PTPRD: variants seen among roughly 807,000 people sequenced by gnomAD.
The protein encoded by PTPRD is receptor-type tyrosine-protein phosphatase delta.
PTPRD carries 34 observed loss-of-function variants against 214.5 expected under a neutral mutation model. The observed-to-expected ratio is 0.16, with a 90% CI of 0.12 to 0.21. The LOEUF (loss-of-function observed/expected upper bound fraction) is 0.21, where lower values mean the gene tolerates loss of function less well. PTPRD is among the 10% of genes least tolerant of loss of function. PTPRD has a pLI of 1.00. For synonymous variants in PTPRD, 1,128 were observed against 845.7 expected (o/e 1.33, Z -5.79); for missense variants, 2,545 against 2,398.7 (o/e 1.06, Z -1.27).
intron 11 of PTPRD, among the ~76,000 whole-genome samples, chr9:8,909,253 A>T (rs957627205): frequency 3.3e-5 from 5 of 152,146 alleles, no homozygotes; most frequent in African/African-American, 1.2e-4. Flanking sequence ...TCCCAAACTC[A>T]TTCTATGATG....
At chr9:10,544,099 G>C (rs976518510) in intron 2 of PTPRD, among the ~76,000 whole-genome samples, 2 of 151,926 alleles carry the variant, frequency 1.3e-5, no homozygotes, top group Admixed American at 1.3e-4. Flanking sequence ...AGTTTATAAG[G>C]AACAATAATT....
chr9:9,793,271 A>T (rs2098979854), intron 5 of PTPRD, among the ~76,000 whole-genome samples: 1 of 152,116 alleles, frequency 6.6e-6, no homozygotes, highest in African/African-American at 2.4e-5. Flanking sequence ...AATAAAATGG[A>T]TGTATCTATA....
At chr9:9,067,833 G>A (rs1288758522) in intron 10 of PTPRD, among the ~76,000 whole-genome samples, 2 of 151,990 alleles carry the variant, frequency 1.3e-5, no homozygotes, top group South Asian at 2.1e-4. Flanking sequence ...TTGTACTTGT[G>A]TCTGTGTTTA....
intron 3 of PTPRD, among the ~76,000 whole-genome samples, chr9:10,214,735 A>G (rs2099533567): frequency 6.6e-6 from 1 of 152,112 alleles, no homozygotes; most frequent in African/African-American, 2.4e-5. Context: ...GAGATGCCAG[A>G]ATGCAAAATT....
intron 11 of PTPRD, among the ~76,000 whole-genome samples, chr9:8,992,184 AG>A (rs1436959718): frequency 1.3e-5 from 2 of 152,172 alleles, no homozygotes; most frequent in Non-Finnish European, 2.9e-5. Flanking sequence ...GAATGGCTAT[AG>A]AAGGAAAGAA....
At chr9:10,280,899 G>C (rs1012463438) in intron 3 of PTPRD, among the ~76,000 whole-genome samples, 1 of 152,056 alleles carries the variant, frequency 6.6e-6, no homozygotes, top group African/African-American at 2.4e-5. Context: ...ACAAGTGTGA[G>C]CCACATGCAC....
At chr9:9,923,369 G>C (rs901333611) in intron 5 of PTPRD, among the ~76,000 whole-genome samples, 1 of 151,150 alleles carries the variant, frequency 6.6e-6, no homozygotes, top group African/African-American at 2.4e-5. Context: ...GACAGGAAGA[G>C]GAGAGCAATG....
At chr9:10,352,817 T>A (rs1234311939) in intron 2 of PTPRD, among the ~76,000 whole-genome samples, 1 of 152,016 alleles carries the variant, frequency 6.6e-6, no homozygotes, top group Admixed American at 6.6e-5. Context: ...GGCTAAAATC[T>A]TTTTTATGCA....
chr9:8,978,253 C>G (rs1273314552), intron 11 of PTPRD, among the ~76,000 whole-genome samples: 2 of 152,212 alleles, frequency 1.3e-5, no homozygotes, highest in Non-Finnish European at 1.5e-5. Context: ...AAGGCCTCAG[C>G]TGATGCATGG....
chr9:10,200,717 G>A (rs2099416447), intron 3 of PTPRD, among the ~76,000 whole-genome samples: 2 of 151,996 alleles, frequency 1.3e-5, no homozygotes, highest in Non-Finnish European at 2.9e-5. Context: ...GCAGAGGAAG[G>A]GGATGAAAAA....
chr9:8,511,683 T>A (rs1376410217), intron 21 of PTPRD, among the ~76,000 whole-genome samples: 1 of 152,028 alleles, frequency 6.6e-6, no homozygotes, highest in Non-Finnish European at 1.5e-5. Flanking sequence ...CAATAGGACA[T>A]GGAAAGCAAA....
At chr9:9,088,758 G>A (rs1026964865) in intron 10 of PTPRD, among the ~76,000 whole-genome samples, 3 of 152,000 alleles carry the variant, frequency 2.0e-5, no homozygotes, top group Admixed American at 2.0e-4. Context: ...TAGTATTTGT[G>A]GAGGCTCTGA....
chr9:8,765,923 A>C (rs1422819223), intron 11 of PTPRD, among the ~76,000 whole-genome samples: 1 of 152,138 alleles, frequency 6.6e-6, no homozygotes, highest in Non-Finnish European at 1.5e-5. Flanking sequence ...ATTTTAACCA[A>C]AATGATTTCT....
intron 12 of PTPRD, among the ~76,000 whole-genome samples, chr9:8,697,493 G>A (rs777751864): frequency 7.1e-6 from 1 of 140,780 alleles, no homozygotes; most frequent in Admixed American, 7.8e-5. Flanking sequence ...TGTGATCTTG[G>A]CTCACTGCAA....
At chr9:9,584,220 G>A (rs2091459689) in intron 7 of PTPRD, among the ~76,000 whole-genome samples, 1 of 151,752 alleles carries the variant, frequency 6.6e-6, no homozygotes, top group Admixed American at 6.6e-5. Flanking sequence ...TATATGAAGT[G>A]CCCTGCAACC....
chr9:8,752,759 C>A (rs1298450161), intron 11 of PTPRD, among the ~76,000 whole-genome samples: 1 of 152,074 alleles, frequency 6.6e-6, no homozygotes, highest in East Asian at 1.9e-4. Context: ...CAGCTGGTTG[C>A]AGACTCAAGA....
intron 11 of PTPRD, among the ~76,000 whole-genome samples, chr9:8,979,199 A>G (rs530982147): frequency 5.9e-5 from 9 of 152,312 alleles, no homozygotes; most frequent in African/African-American, 2.2e-4. Context: ...GATAATTCTT[A>G]AAAGCATTTA....
chr9:10,356,208 A>C (rs2097274516), intron 2 of PTPRD, among the ~76,000 whole-genome samples: 1 of 151,952 alleles, frequency 6.6e-6, no homozygotes. Context: ...CTATTCATAC[A>C]CTTCAGAAAT....
chr9:9,470,547 A>C (rs1260661579), intron 8 of PTPRD, among the ~76,000 whole-genome samples: 1 of 152,210 alleles, frequency 6.6e-6, no homozygotes, highest in Non-Finnish European at 1.5e-5. Context: ...GGGTTTTCTA[A>C]CAGTATACAC....
Sources: allele counts gnomAD v4.1 joint callset (sites outside exome capture counted in the v4.1 genomes callset), GRCh38; gene constraint gnomAD v4.1.1; transcripts MANE v1.5; gene names NCBI Gene and HGNC (gene_info 2026-07-23, HGNC 2026-07-21).